CLPB: variants seen among roughly 807,000 people sequenced by gnomAD.
CLPB encodes mitochondrial disaggregase.
A neutral mutation model predicts 78.4 loss-of-function variants in CLPB; 40 were observed. That is an observed-to-expected ratio of 0.51 (90% confidence interval 0.40 to 0.66). CLPB has a LOEUF of 0.66. Ranked by LOEUF, CLPB falls within the 30% of genes least tolerant of loss-of-function variation. The pLI is 0.00. For missense variants in CLPB, 780 were observed against 886.9 expected (o/e 0.88, Z 1.53); for synonymous variants, 333 against 348.0 (o/e 0.96, Z 0.48).
chr11:72,394,179 G>C (rs1330124221), intron 3 of CLPB, among the ~76,000 whole-genome samples: 2 of 152,174 alleles, frequency 1.3e-5, no homozygotes, highest in Non-Finnish European at 2.9e-5. Flanking sequence ...AAACACCCAT[G>C]ATATCTACTG....
chr11:72,348,758 A>T (rs1210137052), intron 5 of CLPB, among the ~76,000 whole-genome samples: 1 of 152,212 alleles, frequency 6.6e-6, no homozygotes, highest in Non-Finnish European at 1.5e-5. Flanking sequence ...TACAGGGTGT[A>T]GTCTCAAGGA....
intron 4 of CLPB, among the ~76,000 whole-genome samples, chr11:72,373,455 G>A (rs1053634474): frequency 2.0e-5 from 3 of 152,238 alleles, no homozygotes; most frequent in African/African-American, 7.2e-5. Flanking sequence ...CACTCCTGGA[G>A]TGGGCATGGG....
intron 5 of CLPB, among the ~76,000 whole-genome samples, chr11:72,343,311 T>C (rs1390981244): frequency 6.6e-6 from 1 of 152,184 alleles, no homozygotes; most frequent in African/African-American, 2.4e-5. Flanking sequence ...TTTTTGCTAA[T>C]TGCACTTCCC....
intron 3 of CLPB, 67 bp downstream of exon 3, chr11:72,402,899 G>C: frequency 7.6e-7 from 1 of 1,314,212 alleles, no homozygotes; most frequent in Non-Finnish European, 1.1e-6. Flanking sequence ...CCAGGTGGGA[G>C]AGTGCTCAGG....
At chr11:72,343,341 A>G (rs1307370110) in intron 5 of CLPB, among the ~76,000 whole-genome samples, 1 of 152,146 alleles carries the variant, frequency 6.6e-6, no homozygotes, top group Admixed American at 6.5e-5. Flanking sequence ...AGAATCGGAA[A>G]TGTGGGGGTG....
intron 7 of CLPB, among the ~76,000 whole-genome samples, chr11:72,315,879 G>A (rs927372891): frequency 6.6e-6 from 1 of 152,180 alleles, no homozygotes; most frequent in Non-Finnish European, 1.5e-5. Context: ...GTCCCGAGGT[G>A]TTGGGTGCTG....
chr11:72,414,685 G>C (rs1192640207), intron 2 of CLPB, among the ~76,000 whole-genome samples: 1 of 152,228 alleles, frequency 6.6e-6, no homozygotes, highest in Non-Finnish European at 1.5e-5. Flanking sequence ...ATTCTGAGCT[G>C]GAGGAGGGAA....
chr11:72,323,258 C>T (rs993145239), intron 6 of CLPB, among the ~76,000 whole-genome samples: 1 of 152,110 alleles, frequency 6.6e-6, no homozygotes, highest in Admixed American at 6.6e-5. Flanking sequence ...ACAAAATAAC[C>T]AACCTGCACT....
At chr11:72,357,506 G>C (rs545273717) in intron 5 of CLPB, among the ~76,000 whole-genome samples, 3 of 151,900 alleles carry the variant, frequency 2.0e-5, no homozygotes, top group Non-Finnish European at 4.4e-5. Context: ...AGACCAGCCT[G>C]ACCAACATGG....
At chr11:72,393,730 G>A (rs76513307) in intron 3 of CLPB, among the ~76,000 whole-genome samples, 3,468 of 152,276 alleles carry the variant, frequency 0.023, 56 homozygotes, top group Non-Finnish European at 0.037. Flanking sequence ...ACAACATATT[G>A]GGTTTTTAGT....
intron 4 of CLPB, among the ~76,000 whole-genome samples, chr11:72,379,600 C>T (rs1854838751): frequency 6.6e-6 from 1 of 152,122 alleles, no homozygotes; most frequent in South Asian, 2.1e-4. Context: ...CCCAGAGCCT[C>T]TTCATTCTGA....
intron 3 of CLPB, 103 bp from the exon 4 acceptor site, chr11:72,380,487 A>G: frequency 1.2e-6 from 1 of 829,150 alleles, no homozygotes; most frequent in South Asian, 1.4e-5. Context: ...GTCTCTGCTC[A>G]TGTGAGTGAT....
At chr11:72,314,734 C>A (rs939377383) in intron 7 of CLPB, among the ~76,000 whole-genome samples, 1 of 150,966 alleles carries the variant, frequency 6.6e-6, no homozygotes, top group Non-Finnish European at 1.5e-5. Flanking sequence ...CGGCAATGGG[C>A]TGGGGTGGGG....
intron 6 of CLPB, among the ~76,000 whole-genome samples, chr11:72,317,939 AC>A (rs1385710649): frequency 6.6e-6 from 1 of 152,176 alleles, no homozygotes; most frequent in Non-Finnish European, 1.5e-5. Flanking sequence ...AGAAGAGGAG[AC>A]CCGGGCTTGC....
rs566530051 is a variant in CLPB at position 72,428,278 on chromosome 11, C to T, written c.455+2034G>A. Among the ~76,000 whole-genome samples, 26 of 152,288 alleles carry T rather than the reference C, an allele frequency of 1.7e-4. No individual in the cohort carries two copies. In the South Asian group the frequency reaches 4.6e-3, roughly 27 times the overall value. ...AAACAGAAACAGCCTCTTAACAGAT[C>T]GGCCCTCAGCCTTTTCCCAATGCAG... On this transcript the variant is annotated intron_variant, in intron 2 of 15. Transcript: ENST00000538039.
At chr11:72,323,641 A>C (rs1391814421) in intron 6 of CLPB, among the ~76,000 whole-genome samples, 1 of 151,204 alleles carries the variant, frequency 6.6e-6, no homozygotes, top group Non-Finnish European at 1.5e-5. Context: ...ATTATGTTTT[A>C]TTTTTCTTTT....
At chr11:72,347,310 C>T (rs1271391678) in intron 5 of CLPB, among the ~76,000 whole-genome samples, 2 of 152,006 alleles carry the variant, frequency 1.3e-5, no homozygotes, top group Non-Finnish European at 2.9e-5. Flanking sequence ...ATTTTTTTAA[C>T]AACTCAGCTA....
chr11:72,413,955 T>C (rs1855951299), intron 2 of CLPB, among the ~76,000 whole-genome samples: 1 of 152,110 alleles, frequency 6.6e-6, no homozygotes, highest in East Asian at 1.9e-4. Context: ...AGCTACACAC[T>C]GGGCAAACAG....
intron 7 of CLPB, 88 bp from the exon 8 acceptor site, chr11:72,308,692 CA>C: frequency 8.3e-7 from 1 of 1,198,534 alleles, no homozygotes; most frequent in Non-Finnish European, 1.2e-6. Flanking sequence ...ACTAAGTATA[CA>C]ATATGTTTTA....
Sources: allele counts gnomAD v4.1 joint callset (sites outside exome capture counted in the v4.1 genomes callset), GRCh38; gene constraint gnomAD v4.1.1; transcripts MANE v1.5; gene names NCBI Gene and HGNC (gene_info 2026-07-23, HGNC 2026-07-21).